The following KIAA1549L variants were observed in gnomAD, a reference collection of about 807,000 sequenced individuals.
The protein encoded by KIAA1549L is KIAA1549 like, also known as UPF0606 protein KIAA1549L.
KIAA1549L carries 88 observed loss-of-function variants against 160.7 expected under a neutral mutation model. The ratio of observed to expected loss-of-function variants is 0.55; its 90% CI spans 0.46 to 0.65. KIAA1549L has a LOEUF of 0.65. KIAA1549L is among the 30% of genes least tolerant of loss of function. The pLI, the probability that KIAA1549L is intolerant of heterozygous loss-of-function variation, is 0.00. For missense variants in KIAA1549L, 2,258 were observed against 2,437.5 expected (o/e 0.93, Z 1.55); for synonymous variants, 950 against 976.7 (o/e 0.97, Z 0.51).
chr11:33,544,319 A>C lies in KIAA1549L; in HGVS notation c.2756A>C (p.His919Pro), dbSNP rs1590327553. Residue 919 changes from histidine to proline, a missense_variant, in exon 2 of 21, where the codon CAC (histidine) becomes CCC (proline). His to Pro is a moderately conservative substitution (Grantham distance 77). This residue lies in a region of KIAA1549L where 41 missense variants were observed against 79.8 expected (regional missense o/e 0.51). Coordinates refer to ENST00000658780, the MANE Select transcript of KIAA1549L (RefSeq NM_012194.3). ...TSSRVLRASQ[H>P]PKKWTADTVS... ...TCCAGAGTGCTGCGGGCTTCTCAGC[A>C]CCCCAAGAAATGGACAGGTGCAGCC... 1 of 1,613,892 alleles carries C rather than the reference A, an allele frequency of 6.2e-7. No individual in the cohort carries two copies. Among genetic ancestry groups the C allele is most frequent in the Non-Finnish European group, 8.5e-7 (1 of 1,179,866 alleles).
intron 11 of KIAA1549L, among the ~76,000 whole-genome samples, chr11:33,585,002 A>G (rs1278478250): frequency 2.0e-5 from 3 of 152,088 alleles, no homozygotes; most frequent in Non-Finnish European, 4.4e-5. Flanking sequence ...ATCACACCTC[A>G]CTTCAGCAAA....
In KIAA1549L at chr11:33,542,958, A is replaced by T. The variant is rs374887335; in HGVS notation, c.1395A>T (p.Glu465Asp). 5 of 1,613,942 alleles carry T rather than the reference A, an allele frequency of 3.1e-6. No homozygotes were observed. The highest frequency in any genetic ancestry group is 4.2e-6 in the Non-Finnish European group (5 of 1,179,908). The change falls in exon 2 of 21, where the codon GAA becomes GAT. Residue 465 changes from glutamate to aspartate, a missense_variant. Coordinates refer to ENST00000658780, the MANE Select transcript of KIAA1549L (RefSeq NM_012194.3). ...ENSRGPALSA[E>D]HTSSLVPSLH... The stretch of plus-strand genomic sequence containing the variant: ...CCAGAGGGCCCGCCCTTTCGGCAGA[A>T]CACACCTCTTCTTTGGTGCCTTCTC...
chr11:33,452,474 G>A (rs1475504623), intron 1 of KIAA1549L, among the ~76,000 whole-genome samples: 3 of 152,118 alleles, frequency 2.0e-5, no homozygotes, highest in Non-Finnish European at 4.4e-5. Context: ...CAGGCGTAGT[G>A]GCGGGCAGCT....
intron 1 of KIAA1549L, among the ~76,000 whole-genome samples, chr11:33,523,957 A>C (rs1293089825): frequency 1.3e-5 from 2 of 151,944 alleles, no homozygotes; most frequent in African/African-American, 4.8e-5. Context: ...TATTTAGTAA[A>C]TCTTGATTGG....
chr11:33,383,914 G>T (rs1850122431), intron 1 of KIAA1549L, among the ~76,000 whole-genome samples: 7 of 152,180 alleles, frequency 4.6e-5, no homozygotes. Context: ...ATGTCATGCA[G>T]TACAAAGAGA....
Position 33,647,339 on chromosome 11 carries a change from G to A in KIAA1549L, c.5760+1303G>A, listed in dbSNP as rs114644501. Among the ~76,000 whole-genome samples the A allele has an allele frequency of 5.5e-3, 780 of 141,102 alleles. 13 individuals carry two copies. The highest frequency in any genetic ancestry group is 0.021 in the African/African-American group (744 of 35,738). The allele number at this position is 141,102 out of a possible 152,430, so 92.6% of individuals were successfully genotyped here. The stretch of plus-strand genomic sequence containing the variant: ...TGCAGTGAGCCAAGACTGTGAGACT[G>A]TACTTCAGCCTGGCTGACACAGTAA... On this transcript the variant is annotated intron_variant, in intron 17 of 20. Transcript: ENST00000658780.
chr11:33,427,672 A>C (rs956813951), intron 1 of KIAA1549L, among the ~76,000 whole-genome samples: 8 of 152,136 alleles, frequency 5.3e-5, no homozygotes, highest in South Asian at 4.1e-4. Flanking sequence ...GGTGTTTTAA[A>C]GTGTACAACT....
At chr11:33,624,086 T>C (rs1390804297) in intron 16 of KIAA1549L, among the ~76,000 whole-genome samples, 1 of 152,160 alleles carries the variant, frequency 6.6e-6, no homozygotes, top group African/African-American at 2.4e-5. Context: ...TAGGCAGCTT[T>C]TAAAGTTGGG....
intron 10 of KIAA1549L, among the ~76,000 whole-genome samples, chr11:33,580,837 G>C (rs572891211): frequency 4.6e-5 from 7 of 152,288 alleles, no homozygotes; most frequent in African/African-American, 1.7e-4. Flanking sequence ...ACGCTAATTA[G>C]TGCTATGGAG....
At chr11:33,592,224 T>A (rs993176736) in intron 12 of KIAA1549L, among the ~76,000 whole-genome samples, 1 of 152,142 alleles carries the variant, frequency 6.6e-6, no homozygotes, top group African/African-American at 2.4e-5. Flanking sequence ...TTTTGGAAAG[T>A]CTTGACTGCC....
Position 33,432,106 on chromosome 11 carries a change from G to A in KIAA1549L, c.238+55217G>A, listed in dbSNP as rs149107516. Among the ~76,000 whole-genome samples the A allele has an allele frequency of 2.6e-3, 391 of 152,294 alleles. 2 individuals are homozygous for A. The highest frequency in any genetic ancestry group is 7.5e-3 in the Admixed American group (114 of 15,298). ...GCCCACAAGCTCTGCACGCAGTCCC[G>A]GTTCCCGCTCGCACCTCTCCCTCCA... On this transcript the variant is annotated intron_variant, in intron 1 of 20. Coordinates refer to ENST00000658780, the MANE Select transcript of KIAA1549L (RefSeq NM_012194.3).
At chr11:33,385,374 G>A (rs561281577) in intron 1 of KIAA1549L, among the ~76,000 whole-genome samples, 166 of 152,236 alleles carry the variant, frequency 1.1e-3, no homozygotes, top group African/African-American at 3.8e-3. Context: ...TGGGTTCAAC[G>A]GTTCTTTGTT....
chr11:33,428,590 G>A (rs1054255148), intron 1 of KIAA1549L, among the ~76,000 whole-genome samples: 1 of 152,114 alleles, frequency 6.6e-6, no homozygotes. Context: ...TCAGAGTGAT[G>A]TTTTCCAGCT....
chr11:33,387,621 A>G (rs1252777408), intron 1 of KIAA1549L, among the ~76,000 whole-genome samples: 1 of 152,158 alleles, frequency 6.6e-6, no homozygotes, highest in Non-Finnish European at 1.5e-5. Context: ...TCTCATTCTG[A>G]AAGCTACCAG....
intron 1 of KIAA1549L, among the ~76,000 whole-genome samples, chr11:33,435,792 A>ATGTGTGTGTG (rs1433325636): frequency 3.1e-4 from 4 of 13,048 alleles, no homozygotes; most frequent in African/African-American, 8.5e-4. Context: ...ATATATATAT[A>ATGTGTGTGTG]TATATATATA....
chr11:33,542,485 G>A lies in KIAA1549L; in HGVS notation c.922G>A (p.Asp308Asn). The A allele has an allele frequency of 6.2e-7, 1 of 1,613,430 alleles. No homozygotes were observed. The highest frequency in any genetic ancestry group is 1.1e-5 in the South Asian group (1 of 91,000). ...MDHTASQNAQDLIGIPHLGVS... is the reference protein window; with the variant it reads ...MDHTASQNAQNLIGIPHLGVS... Reference sequence around the variant, plus strand: ...CCACACTGCATCCCAAAATGCCCAGGATCTCATAGGCATCCCTCATCTAGG... The same window carrying A: ...CCACACTGCATCCCAAAATGCCCAGAATCTCATAGGCATCCCTCATCTAGG... Residue 308 changes from aspartate (D) to asparagine (N), a missense_variant, in exon 2 of 21, where the codon GAT (aspartate) becomes AAT (asparagine). This residue lies in a region of KIAA1549L where 540 missense variants were observed against 465.7 expected (regional missense o/e 1.16). Transcript: ENST00000658780.
chr11:33,464,726 TA>T (rs1852013271), intron 1 of KIAA1549L, among the ~76,000 whole-genome samples: 1 of 152,142 alleles, frequency 6.6e-6, no homozygotes, highest in Non-Finnish European at 1.5e-5. Context: ...TTTTCCTGCT[TA>T]AAACTCTTTG....
rs1852451679 is a variant in KIAA1549L, at chr11:33,483,307, A to G, written c.239-58495A>G. Among the ~76,000 whole-genome samples the G allele has an allele frequency of 2.0e-5, 3 of 152,116 alleles. 1 individual carries two copies. In the South Asian group the frequency reaches 6.2e-4, roughly 32 times the overall value. ...TTGTTTGAGGGGTAGACAGGGTTGG[A>G]AATTGTTGAGGGGGAGAAATCTACG... On this transcript the variant is annotated intron_variant, in intron 1 of 20. Coordinates refer to ENST00000658780, the MANE Select transcript of KIAA1549L (RefSeq NM_012194.3).
At chr11:33,527,031 A>C (rs1396928992) in intron 1 of KIAA1549L, among the ~76,000 whole-genome samples, 1 of 152,246 alleles carries the variant, frequency 6.6e-6, no homozygotes, top group African/African-American at 2.4e-5. Context: ...TTTCAACAAT[A>C]GAATCAAGCA....
Sources: gnomAD v4.1 joint callset for allele counts (sites outside exome capture counted in the v4.1 genomes callset) on GRCh38, gnomAD v4.1.1 for gene constraint, gnomAD v4.1.1 regional missense constraint, MANE v1.5 for transcripts, NCBI Gene and HGNC (gene_info 2026-07-23, HGNC 2026-07-21) for gene names.